Variants in SPPL3 observed in about 807,000 individuals in gnomAD.
SPPL3 encodes signal peptide peptidase like 3.
In SPPL3, 5 loss-of-function variants were observed where a neutral mutation model predicts 42.4. The ratio of observed to expected loss-of-function variants is 0.12; its 90% confidence interval spans 0.06 to 0.25. The LOEUF (loss-of-function observed/expected upper bound fraction) is 0.25. Ranked by LOEUF, SPPL3 falls within the 10% of genes least tolerant of loss-of-function variation. The pLI is 1.00. For synonymous variants in SPPL3, 195 were observed against 181.8 expected (o/e 1.07, Z -0.58); for missense variants, 235 against 489.0 (o/e 0.48, Z 4.90).
chr12:120,878,964 T>C, intron 1 of SPPL3, among the ~76,000 whole-genome samples: 1 of 150,848 alleles, frequency 6.6e-6, no homozygotes. Flanking sequence ...AAATACAAAA[T>C]TAGCTGGGTG....
intron 1 of SPPL3, among the ~76,000 whole-genome samples, chr12:120,861,605 T>C (rs688402): frequency 0.24 from 36,679 of 152,098 alleles, 5,621 homozygotes; most frequent in Non-Finnish European, 0.35. Context: ...GATGTCTTCA[T>C]TGAAACGCAT....
At position 120,811,684 on chromosome 12, in the gene SPPL3, T is replaced by C. The variant is rs149968504; in HGVS notation, c.24-798A>G. ...TTTCCTAAAACAAATCTTAGCAGGC[T>C]TTTTGTTGTTGTTGTTGTTTAATTT... On this transcript the variant is annotated intron_variant, in intron 1 of 10. Transcript: ENST00000353487. Among the ~76,000 whole-genome samples the C allele has an allele frequency of 3.4e-3, 515 of 152,314 alleles. 3 individuals carry two copies. The highest frequency in any genetic ancestry group is 0.012 in the African/African-American group (499 of 41,560).
rs1056571708 is a variant in SPPL3, at chr12:120,766,114, A to G, written c.1083+149T>C. On this transcript the variant is annotated intron_variant, in intron 10 of 10. Coordinates refer to ENST00000353487, the MANE Select transcript of SPPL3 (RefSeq NM_139015.5). ...AGCGCGCGCGCGCACACACACACAC[A>G]CACACACACACACACACACACACAC... The G allele has an allele frequency of 7.6e-4, 120 of 157,224 alleles. 9 individuals are homozygous for G. The highest frequency in any genetic ancestry group is 2.2e-3 in the South Asian group (25 of 11,306). 9.7% of individuals were successfully genotyped at this position (157,224 alleles called of 1,614,324 possible). A position where few individuals can be genotyped will look rare whatever the true frequency, so the allele number is the denominator to read the frequency against.
chr12:120,779,822 A>C (rs1592958073), intron 6 of SPPL3, among the ~76,000 whole-genome samples: 1 of 58,936 alleles, frequency 1.7e-5, no homozygotes, highest in Admixed American at 2.5e-4. Flanking sequence ...TAAAAATACA[A>C]AAAAAAAAAA....
chr12:120,797,871 T>C (rs963761466), intron 2 of SPPL3, among the ~76,000 whole-genome samples: 1 of 152,166 alleles, frequency 6.6e-6, no homozygotes, highest in African/African-American at 2.4e-5. Context: ...TTGAAAGACT[T>C]GCCCCTCTAC....
At chr12:120,882,464 T>G (rs1291969602) in intron 1 of SPPL3, among the ~76,000 whole-genome samples, 3 of 152,132 alleles carry the variant, frequency 2.0e-5, no homozygotes, top group Admixed American at 6.5e-5. Flanking sequence ...CATAGGACTT[T>G]GTATACACAT....
At chr12:120,839,162 G>A (rs1271591206) in intron 1 of SPPL3, among the ~76,000 whole-genome samples, 1 of 151,436 alleles carries the variant, frequency 6.6e-6, no homozygotes, top group African/African-American at 2.4e-5. Context: ...TATACACCAT[G>A]GAATACTATG....
At chr12:120,786,384 T>G (rs1869721251) in intron 3 of SPPL3, among the ~76,000 whole-genome samples, 1 of 152,234 alleles carries the variant, frequency 6.6e-6, no homozygotes. Flanking sequence ...GCTACAGATT[T>G]TCAGTGCCTT....
At chr12:120,780,587 TAAA>T (rs34476118) in intron 6 of SPPL3, among the ~76,000 whole-genome samples, 12 of 124,634 alleles carry the variant, frequency 9.6e-5, no homozygotes, top group Admixed American at 2.4e-4. Context: ...TGTCTCTATT[TAAA>T]AAAAAAAAAA....
intron 1 of SPPL3, among the ~76,000 whole-genome samples, chr12:120,830,712 T>C (rs1368311776): frequency 6.6e-6 from 1 of 151,786 alleles, no homozygotes; most frequent in Non-Finnish European, 1.5e-5. Flanking sequence ...TCTCATAGTT[T>C]TGTTGTTTCA....
intron 6 of SPPL3, among the ~76,000 whole-genome samples, chr12:120,773,428 G>A (rs144758066): frequency 1.2e-4 from 18 of 152,324 alleles, no homozygotes; most frequent in African/African-American, 3.4e-4. Flanking sequence ...TCAAGGGCAC[G>A]AAGAAAGTAA....
intron 1 of SPPL3, among the ~76,000 whole-genome samples, chr12:120,818,792 G>A (rs1051692818): frequency 1.3e-5 from 2 of 149,214 alleles, no homozygotes; most frequent in East Asian, 2.0e-4. Flanking sequence ...GATATTTACC[G>A]TATTAAATTA....
At chr12:120,816,659 G>C (rs1870886850) in intron 1 of SPPL3, among the ~76,000 whole-genome samples, 1 of 152,114 alleles carries the variant, frequency 6.6e-6, no homozygotes, top group African/African-American at 2.4e-5. Context: ...CTGCAGGTGT[G>C]AGCCACCACA....
intron 1 of SPPL3, among the ~76,000 whole-genome samples, chr12:120,825,688 C>T (rs746753350): frequency 3.6e-4 from 55 of 152,238 alleles, no homozygotes; most frequent in Admixed American, 7.2e-4. Context: ...GGAGTTTTAA[C>T]GTCACCTGAA....
intron 9 of SPPL3, among the ~76,000 whole-genome samples, 158 bp from the exon 10 acceptor site, chr12:120,766,530 A>G (rs182158837): frequency 6.6e-6 from 1 of 152,324 alleles, no homozygotes; most frequent in Admixed American, 6.5e-5. Context: ...AGAAATGTGG[A>G]TCAGCACAGC....
At chr12:120,796,826 C>T (rs925270359) in intron 2 of SPPL3, among the ~76,000 whole-genome samples, 1 of 152,134 alleles carries the variant, frequency 6.6e-6, no homozygotes, top group Non-Finnish European at 1.5e-5. Context: ...AATCCTTTCA[C>T]ATTATTCTTT....
chr12:120,900,827 C>G (rs1343338136), intron 1 of SPPL3, among the ~76,000 whole-genome samples: 1 of 149,240 alleles, frequency 6.7e-6, no homozygotes, highest in Non-Finnish European at 1.5e-5. Context: ...AGGGCTGAGG[C>G]AGGAGAATTG....
intron 1 of SPPL3, among the ~76,000 whole-genome samples, chr12:120,883,332 A>C (rs997510281): frequency 5.9e-5 from 9 of 152,154 alleles, no homozygotes; most frequent in African/African-American, 1.7e-4. Context: ...AACAAAAAAC[A>C]AACTTAATTC....
intron 1 of SPPL3, among the ~76,000 whole-genome samples, chr12:120,890,237 G>A (rs567604427): frequency 2.0e-5 from 3 of 150,726 alleles, no homozygotes; most frequent in Non-Finnish European, 4.4e-5. Context: ...CAACAAAAGC[G>A]AAATTCCATC....
Sources: gnomAD v4.1 joint callset for allele counts (sites outside exome capture counted in the v4.1 genomes callset) on GRCh38, gnomAD v4.1.1 for gene constraint, MANE v1.5 for transcripts, NCBI Gene and HGNC (gene_info 2026-07-23, HGNC 2026-07-21) for gene names.